The following CYRIB variants were observed in gnomAD, a reference collection of about 807,000 sequenced individuals.
CYRIB encodes the protein CYFIP-related Rac1 interactor B.
CYRIB carries 8 observed loss-of-function variants against 44.2 expected under a neutral mutation model. The ratio of observed to expected loss-of-function variants is 0.18; its 90% CI spans 0.11 to 0.33. The LOEUF is 0.33. CYRIB is among the 10% of genes least tolerant of loss of function. The probability of loss-of-function intolerance (pLI) is 1.00; values close to 1 mark genes in which losing one functional copy is unlikely to be tolerated. For missense variants in CYRIB, 185 were observed against 382.8 expected, an observed-to-expected ratio of 0.48 and a Z score of 4.31; for synonymous variants, 131 against 127.2, an observed-to-expected ratio of 1.03 and a Z score of -0.20.
intron 1 of CYRIB, among the ~76,000 whole-genome samples, chr8:129,997,924 C>T (rs954335200): frequency 2.6e-5 from 4 of 151,996 alleles, no homozygotes; most frequent in African/African-American, 9.7e-5. Flanking sequence ...AGATCGAGAC[C>T]ATCCTGGCCA....
intron 1 of CYRIB, among the ~76,000 whole-genome samples, chr8:129,908,112 A>C (rs764198836): frequency 1.3e-5 from 2 of 152,202 alleles, no homozygotes; most frequent in East Asian, 3.8e-4. Context: ...CTCAAAACTA[A>C]ATCTCAGAAA....
In CYRIB at chr8:129,842,271, A is replaced by G. The variant is rs1199730478; in HGVS notation, c.912-66T>C. ...AAAAATAATCAGCATCGGGTTCTCTAATTATGACAGGATGGAGAATTGGTC... is the reference window on the plus strand; with the variant it reads ...AAAAATAATCAGCATCGGGTTCTCTGATTATGACAGGATGGAGAATTGGTC... On this transcript the variant is annotated intron_variant, in intron 11 of 11. Transcript: ENST00000519824. 8 of 1,124,938 alleles carry G rather than the reference A, an allele frequency of 7.1e-6. No individual in the cohort carries two copies. The East Asian group carries it at 2.0e-4, about 28-fold the overall frequency. The allele number at this position is 1,124,938 out of a possible 1,614,324, so 69.7% of individuals were successfully genotyped here. A position where few individuals can be genotyped will look rare whatever the true frequency, so the allele number is the denominator to read the frequency against.
intron 1 of CYRIB, among the ~76,000 whole-genome samples, chr8:129,933,268 A>T (rs995614574): frequency 6.6e-6 from 1 of 152,064 alleles, no homozygotes; most frequent in Non-Finnish European, 1.5e-5. Context: ...CCTACCCCCA[A>T]ACTCTTCTGC....
chr8:129,942,684 TTAA>T (rs1047468458), upstream of CYRIB, among the ~76,000 whole-genome samples: 2 of 152,396 alleles, frequency 1.3e-5, no homozygotes, highest in South Asian at 2.1e-4. Flanking sequence ...CACTAGTCTC[TTAA>T]TGATGATTTA....
intron 1 of CYRIB, among the ~76,000 whole-genome samples, chr8:129,938,816 A>ATT (rs896068507): frequency 1.2e-4 from 19 of 152,326 alleles, no homozygotes; most frequent in African/African-American, 4.3e-4. Context: ...CATGAAAAAA[A>ATT]TAAAAAAGGT....
intron 2 of CYRIB, among the ~76,000 whole-genome samples, chr8:129,888,995 AG>A (rs1386177564): frequency 6.6e-6 from 1 of 152,184 alleles, no homozygotes; most frequent in African/African-American, 2.4e-5. Context: ...CAGGAGGCTG[AG>A]GCAGGAGAAC....
At chr8:129,977,967 G>A (rs74992206) in intron 1 of CYRIB, among the ~76,000 whole-genome samples, 6,204 of 152,228 alleles carry the variant, frequency 0.041, 150 homozygotes, top group Middle Eastern at 0.068. Context: ...GGAGTGCAGT[G>A]GCACCACCAT....
chr8:130,015,999 T>G (rs2097333987), intron 1 of CYRIB, among the ~76,000 whole-genome samples: 1 of 151,888 alleles, frequency 6.6e-6, no homozygotes, highest in Non-Finnish European at 1.5e-5. Context: ...AGGAAGGGTC[T>G]GCCAGGGACC....
intron 1 of CYRIB, among the ~76,000 whole-genome samples, chr8:129,976,378 T>C (rs1389746881): frequency 6.6e-6 from 1 of 152,250 alleles, no homozygotes; most frequent in Non-Finnish European, 1.5e-5. Flanking sequence ...CAGAATTACT[T>C]TAATTCAGAA....
chr8:129,966,736 C>T (rs1396048042), intron 2 of CYRIB, among the ~76,000 whole-genome samples: 2 of 152,154 alleles, frequency 1.3e-5, no homozygotes, highest in African/African-American at 4.8e-5. Context: ...TAGGGCCTCA[C>T]TCCATGGCCC....
chr8:129,949,695 C>A (rs1590936101), intron 2 of CYRIB, among the ~76,000 whole-genome samples: 1 of 151,478 alleles, frequency 6.6e-6, no homozygotes. Flanking sequence ...CATAGAGAAA[C>A]CCTGTCTCTA....
intron 2 of CYRIB, among the ~76,000 whole-genome samples, chr8:129,883,004 T>G (rs1293877938): frequency 6.7e-6 from 1 of 149,236 alleles, no homozygotes; most frequent in Non-Finnish European, 1.5e-5. Context: ...GAGACCAGTC[T>G]GGCCAACACA....
At chr8:129,997,403 C>A (rs1201169256) in intron 1 of CYRIB, among the ~76,000 whole-genome samples, 4 of 152,136 alleles carry the variant, frequency 2.6e-5, no homozygotes, top group Non-Finnish European at 5.9e-5. Context: ...TATTCAGGGT[C>A]TATAAACACA....
chr8:129,953,337 C>T (rs917359610), intron 2 of CYRIB, among the ~76,000 whole-genome samples: 1 of 152,124 alleles, frequency 6.6e-6, no homozygotes, highest in African/African-American at 2.4e-5. Context: ...TAGTGCTGTT[C>T]GTGAGCGGAC....
At chr8:129,939,118 G>C (rs1217730384) in intron 1 of CYRIB, among the ~76,000 whole-genome samples, 1 of 152,088 alleles carries the variant, frequency 6.6e-6, no homozygotes, top group Non-Finnish European at 1.5e-5. Context: ...GACCAGGAGG[G>C]CTGGGTGTCG....
At chr8:129,900,862 T>C (rs1461463629) in intron 2 of CYRIB, among the ~76,000 whole-genome samples, 1 of 152,136 alleles carries the variant, frequency 6.6e-6, no homozygotes, top group Non-Finnish European at 1.5e-5. Flanking sequence ...TTAGTAGAGA[T>C]GGGATTTCGC....
chr8:130,015,790 G>A (rs1025267979), intron 1 of CYRIB, among the ~76,000 whole-genome samples: 4 of 152,238 alleles, frequency 2.6e-5, no homozygotes, highest in African/African-American at 9.6e-5. Context: ...ATAATGAAAA[G>A]ATAAAAGGCG....
intron 2 of CYRIB, among the ~76,000 whole-genome samples, chr8:129,961,905 C>T (rs553833579): frequency 1.3e-5 from 2 of 152,200 alleles, no homozygotes; most frequent in South Asian, 2.1e-4. Flanking sequence ...AGTTCCTAAA[C>T]TCTCTGAGCT....
chr8:129,851,132 C>G (rs140404213), intron 8 of CYRIB: 2 of 514,290 alleles, frequency 3.9e-6, no homozygotes, highest in Admixed American at 3.6e-5. Context: ...TGAAAGGCAC[C>G]TGCATTCCAG....
Sources: gnomAD v4.1 joint callset for allele counts (sites outside exome capture counted in the v4.1 genomes callset) on GRCh38, gnomAD v4.1.1 for gene constraint, MANE v1.5 for transcripts, NCBI Gene and HGNC (gene_info 2026-07-23, HGNC 2026-07-21) for gene names.